The following CTNNA2 variants were observed in gnomAD, a reference collection of about 807,000 sequenced individuals.
The protein encoded by CTNNA2 is catenin alpha 2, also known as catenin alpha-2.
A neutral mutation model predicts 101.0 loss-of-function variants in CTNNA2; 42 were observed. That is an observed-to-expected ratio of 0.42 (90% confidence interval 0.32 to 0.54). CTNNA2 has a LOEUF of 0.54. Among genes scored for constraint, CTNNA2 ranks in the 20% least tolerant of loss-of-function variants. The pLI, the probability that CTNNA2 is intolerant of heterozygous loss-of-function variation, is 0.14. For synonymous variants in CTNNA2, 450 were observed against 456.4 expected, an observed-to-expected ratio of 0.99 and a Z score of 0.18; for missense variants, 871 against 1,223.1, an observed-to-expected ratio of 0.71 and a Z score of 4.29.
intron 4 of CTNNA2, among the ~76,000 whole-genome samples, chr2:79,436,781 G>A (rs1231170920): frequency 3.3e-5 from 5 of 151,874 alleles, no homozygotes; most frequent in Non-Finnish European, 7.4e-5. Flanking sequence ...ACAGGCACCC[G>A]CCACCAGGCC....
chr2:80,539,584 G>A (rs959990561), intron 9 of CTNNA2, among the ~76,000 whole-genome samples: 7 of 152,102 alleles, frequency 4.6e-5, no homozygotes, highest in African/African-American at 1.7e-4. Context: ...TTTGGGGTCA[G>A]CAGCACACAA....
intron 2 of CTNNA2, among the ~76,000 whole-genome samples, chr2:79,284,554 G>C (rs1293947200): frequency 5.9e-5 from 9 of 151,432 alleles, no homozygotes; most frequent in Admixed American, 2.0e-4. Context: ...TTATATGCTG[G>C]ATTACATTTA....
chr2:79,218,158 G>T (rs1046388329), intron 2 of CTNNA2, among the ~76,000 whole-genome samples: 25 of 152,160 alleles, frequency 1.6e-4, no homozygotes, highest in African/African-American at 5.3e-4. Flanking sequence ...TCTGATCCCA[G>T]CCAAGCCCAC....
rs1681262310 is a variant in CTNNA2, at chr2:79,651,678, C to T, written c.102+20C>T. 1 of 1,591,660 alleles carries T rather than the reference C, an allele frequency of 6.3e-7. No homozygotes were observed. The highest frequency in any genetic ancestry group is 1.3e-5 in the African/African-American group (1 of 74,376). On this transcript the variant is annotated intron_variant, in intron 2 of 18. Coordinates refer to ENST00000402739, the MANE Select transcript of CTNNA2 (RefSeq NM_001282597.3). ...ACACAGGTAAGGGATGCTTTGAAACCACTTTGTTATATATGTGTTTCTATT... is the reference window on the plus strand; with the variant it reads ...ACACAGGTAAGGGATGCTTTGAAACTACTTTGTTATATATGTGTTTCTATT...
intron 1 of CTNNA2, among the ~76,000 whole-genome samples, chr2:79,610,848 CT>C (rs1030015232): frequency 5.3e-5 from 8 of 152,028 alleles, no homozygotes; most frequent in African/African-American, 1.7e-4. Context: ...TAAATGTGTT[CT>C]TTTGTACTAG....
At chr2:79,214,349 T>C (rs1203133886) in intron 2 of CTNNA2, among the ~76,000 whole-genome samples, 1 of 151,930 alleles carries the variant, frequency 6.6e-6, no homozygotes, top group Non-Finnish European at 1.5e-5. Context: ...AACAGAATAA[T>C]GGATTGTGGA....
intron 7 of CTNNA2, among the ~76,000 whole-genome samples, chr2:80,110,665 C>T (rs1701161559): frequency 6.6e-6 from 1 of 152,200 alleles, no homozygotes; most frequent in South Asian, 2.1e-4. Context: ...CCCATAGCTA[C>T]TTGGAGCCTC....
chr2:79,483,805 T>C (rs1448844621), intron 4 of CTNNA2, among the ~76,000 whole-genome samples: 1 of 152,228 alleles, frequency 6.6e-6, no homozygotes, highest in Admixed American at 6.5e-5. Flanking sequence ...TTTATCCACC[T>C]GTTGACTGAT....
At chr2:80,092,541 C>T (rs1332076662) in intron 7 of CTNNA2, among the ~76,000 whole-genome samples, 3 of 152,186 alleles carry the variant, frequency 2.0e-5, no homozygotes, top group East Asian at 1.9e-4. Flanking sequence ...TTGACAATTC[C>T]TGTTCAGTGA....
At chr2:79,272,412 T>G (rs1472739479) in intron 2 of CTNNA2, among the ~76,000 whole-genome samples, 1 of 152,048 alleles carries the variant, frequency 6.6e-6, no homozygotes, top group Non-Finnish European at 1.5e-5. Context: ...ACAAAAATGG[T>G]GTATAATTTA....
At chr2:80,280,835 T>C (rs1674325617) in intron 7 of CTNNA2, among the ~76,000 whole-genome samples, 1 of 152,064 alleles carries the variant, frequency 6.6e-6, no homozygotes, top group Non-Finnish European at 1.5e-5. Flanking sequence ...TGCCTGTTAT[T>C]GTATAAGAAA....
intron 2 of CTNNA2, among the ~76,000 whole-genome samples, chr2:79,311,270 G>A: frequency 6.6e-6 from 1 of 152,094 alleles, no homozygotes; most frequent in South Asian, 2.1e-4. Context: ...TTAGCCCGGC[G>A]TGATGGCGGG....
At chr2:79,596,279 A>G (rs995826441) in intron 1 of CTNNA2, among the ~76,000 whole-genome samples, 3 of 152,114 alleles carry the variant, frequency 2.0e-5, no homozygotes, top group Non-Finnish European at 4.4e-5. Flanking sequence ...TTAGAAAGTT[A>G]CAGGAGATAG....
At chr2:79,796,490 A>C (rs1346099671) in intron 3 of CTNNA2, among the ~76,000 whole-genome samples, 1 of 152,186 alleles carries the variant, frequency 6.6e-6, no homozygotes, top group African/African-American at 2.4e-5. Flanking sequence ...AAAAACACAT[A>C]AACAGAAAAG....
intron 1 of CTNNA2, among the ~76,000 whole-genome samples, chr2:79,580,689 G>C (rs1676095063): frequency 6.6e-6 from 1 of 152,236 alleles, no homozygotes; most frequent in Non-Finnish European, 1.5e-5. Context: ...AGAGACAAAG[G>C]AGAAATATAA....
chr2:79,605,594 A>G (rs1327805269), intron 1 of CTNNA2, among the ~76,000 whole-genome samples: 9 of 151,982 alleles, frequency 5.9e-5, no homozygotes. Flanking sequence ...ATATGGAAAC[A>G]GTATATTTCT....
At chr2:79,711,509 C>T (rs1157237836) in intron 2 of CTNNA2, among the ~76,000 whole-genome samples, 1 of 152,186 alleles carries the variant, frequency 6.6e-6, no homozygotes, top group African/African-American at 2.4e-5. Context: ...GAGTATATCG[C>T]AGGTCTTCAT....
intron 2 of CTNNA2, among the ~76,000 whole-genome samples, chr2:79,248,207 C>T (rs1674722365): frequency 6.6e-6 from 1 of 152,002 alleles, no homozygotes; most frequent in Admixed American, 6.6e-5. Context: ...TTTCTGAGAC[C>T]TTCAAGGCAA....
intron 12 of CTNNA2, among the ~76,000 whole-genome samples, chr2:80,563,274 C>T (rs1369828284): frequency 6.6e-6 from 1 of 152,176 alleles, no homozygotes; most frequent in Non-Finnish European, 1.5e-5. Flanking sequence ...ACAACTGAGG[C>T]TGTAGTAATG....
Sources: gnomAD v4.1 joint callset for allele counts (sites outside exome capture counted in the v4.1 genomes callset) on GRCh38, gnomAD v4.1.1 for gene constraint, MANE v1.5 for transcripts, NCBI Gene and HGNC (gene_info 2026-07-23, HGNC 2026-07-21) for gene names.